The following ADARB1 variants were observed in gnomAD, a reference collection of about 807,000 sequenced individuals.
ADARB1 encodes adenosine deaminase RNA specific B1, also known as double-stranded RNA-specific editase 1.
ADARB1 carries 10 observed loss-of-function variants against 52.4 expected under a neutral mutation model. The ratio of observed to expected loss-of-function variants is 0.19; its 90% CI spans 0.12 to 0.32. The LOEUF is 0.32. ADARB1 is among the 10% of genes least tolerant of loss of function. The pLI is 1.00. For synonymous variants in ADARB1, 349 were observed against 371.1 expected, an observed-to-expected ratio of 0.94 and a Z score of 0.68; for missense variants, 643 against 922.3, an observed-to-expected ratio of 0.70 and a Z score of 3.92.
At chr21:45,133,822 T>A in intron 2 of ADARB1, 1 of 194,910 alleles carries the variant, frequency 5.1e-6, no homozygotes, top group South Asian at 4.8e-5. Flanking sequence ...TGGGTGTGTG[T>A]GCCCGACAGT....
Position 45,221,104 on chromosome 21 carries a change from C to G in ADARB1, c.1926+90C>G. 3 of 1,369,562 alleles carry G rather than the reference C, an allele frequency of 2.2e-6. No homozygotes were observed. The Admixed American group carries it at 6.7e-5, about 31-fold the overall frequency. The allele number at this position is 1,369,562 out of a possible 1,614,324, so 84.8% of individuals were successfully genotyped here. Reference sequence around the variant, plus strand: ...CCTACTGTTCCTTAAGTTGTTTCATCATGTCATCATGCACAGCTTCCGAAA... The same window carrying G: ...CCTACTGTTCCTTAAGTTGTTTCATGATGTCATCATGCACAGCTTCCGAAA... On this transcript the variant is annotated intron_variant, in intron 10 of 10. Coordinates refer to ENST00000348831, the MANE Select transcript of ADARB1 (RefSeq NM_001112.4). The surrounding 1 kb of genome is among the most constrained non-coding windows in gnomAD (Gnocchi z 4.9).
At chr21:45,130,737 A>C (rs1278477760) in intron 2 of ADARB1, among the ~76,000 whole-genome samples, 1 of 152,146 alleles carries the variant, frequency 6.6e-6, no homozygotes. Context: ...GTCGCACTGC[A>C]GGGCTGTGGG....
At chr21:45,137,778 A>G (rs1346479081) in intron 2 of ADARB1, among the ~76,000 whole-genome samples, 2 of 152,094 alleles carry the variant, frequency 1.3e-5, no homozygotes, top group Non-Finnish European at 2.9e-5. Flanking sequence ...CCCAGGAGGC[A>G]GGGCAGGAGA....
intron 1 of ADARB1, among the ~76,000 whole-genome samples, chr21:45,093,529 G>T (rs557810752): frequency 6.6e-6 from 1 of 152,192 alleles, no homozygotes; most frequent in Non-Finnish European, 1.5e-5. Flanking sequence ...CGCCTCTTGC[G>T]TTTCATGCTG....
chr21:45,184,448 A>ATTTT, intron 7 of ADARB1: 1 of 141,692 alleles, frequency 7.1e-6, no homozygotes, highest in South Asian at 1.1e-4. Context: ...ATTTCATATA[A>ATTTT]TTTTTTTTTT....
intron 9 of ADARB1, among the ~76,000 whole-genome samples, chr21:45,205,327 C>A (rs2092646342): frequency 6.6e-6 from 1 of 152,174 alleles, no homozygotes. Flanking sequence ...CTGGGCTGGG[C>A]ACCTGTCTGT....
intron 5 of ADARB1, among the ~76,000 whole-genome samples, chr21:45,182,032 A>T (rs548780900): frequency 6.6e-6 from 1 of 152,338 alleles, no homozygotes; most frequent in East Asian, 1.9e-4. Context: ...CAAAGTTGAG[A>T]CGGAGTGATC....
At chr21:45,075,972 T>C (rs1250981763) in intron 1 of ADARB1, among the ~76,000 whole-genome samples, 1 of 152,260 alleles carries the variant, frequency 6.6e-6, no homozygotes, top group Admixed American at 6.5e-5. Context: ...AATACAAATA[T>C]GTATTTAATC....
intron 2 of ADARB1, among the ~76,000 whole-genome samples, chr21:45,158,130 A>G (rs1408945714): frequency 6.6e-6 from 1 of 152,146 alleles, no homozygotes; most frequent in East Asian, 1.9e-4. Flanking sequence ...AAATACAATT[A>G]TGCAGGAGAG....
intron 2 of ADARB1, among the ~76,000 whole-genome samples, chr21:45,146,773 A>G (rs2090029610): frequency 6.6e-6 from 1 of 152,208 alleles, no homozygotes; most frequent in East Asian, 1.9e-4. Flanking sequence ...TTTCATCATA[A>G]AGAATCCAGA....
intron 2 of ADARB1, among the ~76,000 whole-genome samples, chr21:45,161,342 C>T (rs998005581): frequency 1.3e-5 from 2 of 152,216 alleles, no homozygotes; most frequent in Admixed American, 6.5e-5. Flanking sequence ...CCCCCTGCCC[C>T]GACAGGCTGA....
At chr21:45,197,277 G>A (rs939749847) in intron 8 of ADARB1, among the ~76,000 whole-genome samples, 3 of 151,324 alleles carry the variant, frequency 2.0e-5, no homozygotes, top group Non-Finnish European at 4.4e-5. Flanking sequence ...CGAGGCGGGT[G>A]GATCACAAGG....
Position 45,176,981 on chromosome 21 carries a change from C to T in ADARB1, c.963+317C>T. 3.6e-6 allele frequency: 1 copy of T among 275,610 alleles called. No homozygotes were observed. Among genetic ancestry groups the T allele is most frequent in the Non-Finnish European group, 6.8e-6 (1 of 146,084 alleles). 17.1% of individuals were successfully genotyped at this position (275,610 alleles called of 1,614,324 possible). On this transcript the variant is annotated intron_variant, in intron 4 of 10. Coordinates refer to ENST00000348831, the MANE Select transcript of ADARB1 (RefSeq NM_001112.4). This position sits in a 1 kb window ranked among gnomAD's most constrained non-coding sequence, Gnocchi z 5.8. Reference sequence around the variant, plus strand: ...GGCAACCCCCCCCATGACCCTCATCCCACAGCAAGCCTTTAGCAGGAGAGA... The same window carrying T: ...GGCAACCCCCCCCATGACCCTCATCTCACAGCAAGCCTTTAGCAGGAGAGA...
At chr21:45,107,926 T>G (rs1364204542) in intron 1 of ADARB1, among the ~76,000 whole-genome samples, 2 of 152,158 alleles carry the variant, frequency 1.3e-5, no homozygotes, top group African/African-American at 4.8e-5. Context: ...TTGGGTGTGG[T>G]GGCACACACC....
Position 45,176,168 on chromosome 21 carries a change from G to A in ADARB1, c.467G>A (p.Gly156Glu). 1 of 1,614,184 alleles carries A rather than the reference G, an allele frequency of 6.2e-7. No individual in the cohort carries two copies. The highest frequency in any genetic ancestry group is 8.5e-7 in the Non-Finnish European group (1 of 1,180,036). ...PNASEAHLAM[G>E]RTLSVNTDFT... Reference sequence around the variant, plus strand: ...GCCTCTGAGGCCCACCTGGCCATGGGGAGGACCCTGTCTGTCAACACGGAC... The same window carrying A: ...GCCTCTGAGGCCCACCTGGCCATGGAGAGGACCCTGTCTGTCAACACGGAC... The change falls in exon 4 of 11, where the codon GGG becomes GAG. Residue 156 changes from glycine (G) to glutamate (E), a missense_variant. Coordinates refer to ENST00000348831, the MANE Select transcript of ADARB1 (RefSeq NM_001112.4). This position sits in a 1 kb window ranked among gnomAD's most constrained non-coding sequence, Gnocchi z 5.8.
chr21:45,075,426 T>C (rs1420061048), intron 1 of ADARB1, among the ~76,000 whole-genome samples: 2 of 150,264 alleles, frequency 1.3e-5, no homozygotes, highest in African/African-American at 2.5e-5. Context: ...GGAGACTGCG[T>C]TGGGGACGAG....
At position 45,223,762 on chromosome 21, in the gene ADARB1, C is replaced by G; in HGVS notation, c.*1565C>G. The G allele has an allele frequency of 2.0e-6, 2 of 985,466 alleles. No individual in the cohort carries two copies. Among genetic ancestry groups the G allele is most frequent in the South Asian group, 9.4e-5 (2 of 21,290 alleles). The allele number at this position is 985,466 out of a possible 1,614,324, so 61.0% of individuals were successfully genotyped here. On this transcript the variant is annotated 3_prime_UTR_variant, in exon 11 of 11. Transcript: ENST00000348831. ...GAGCTCAGACCCCAAAACTGAAACA[C>G]CGTGGCTTCGGCGGGGGGTGTGCCT...
At chr21:45,107,162 G>A (rs372667504) in intron 1 of ADARB1, among the ~76,000 whole-genome samples, 23 of 152,272 alleles carry the variant, frequency 1.5e-4, no homozygotes, top group African/African-American at 5.1e-4. Context: ...AGGAATAAAT[G>A]TAATGAGAAC....
At chr21:45,098,064 C>T (rs1461750131) in intron 1 of ADARB1, among the ~76,000 whole-genome samples, 1 of 152,230 alleles carries the variant, frequency 6.6e-6, no homozygotes, top group Non-Finnish European at 1.5e-5. Context: ...CACCGTCACA[C>T]CCAGTCCCCT....
Sources: allele counts gnomAD v4.1 joint callset (sites outside exome capture counted in the v4.1 genomes callset), GRCh38; gene constraint gnomAD v4.1.1; non-coding constraint Gnocchi (gnomAD v3.1); transcripts MANE v1.5; gene names NCBI Gene and HGNC (gene_info 2026-07-23, HGNC 2026-07-21).